Variants in SLC10A7 observed in about 807,000 individuals in gnomAD.
SLC10A7 encodes the protein solute carrier family 10 member 7, also known as sodium/bile acid cotransporter 7.
Under a neutral mutation model 43.2 loss-of-function variants are expected in SLC10A7, and 29 were observed. That is an observed-to-expected ratio of 0.67 (90% CI 0.50 to 0.92). The LOEUF is 0.92. SLC10A7 is among the 40% of genes least tolerant of loss of function. The pLI is 0.00. For missense variants in SLC10A7, 295 were observed against 403.2 expected (o/e 0.73, Z 2.30); for synonymous variants, 152 against 144.8 (o/e 1.05, Z -0.35).
chr4:146,478,335 A>G (rs1337136495), intron 4 of SLC10A7: 1 of 152,166 alleles, frequency 6.6e-6, no homozygotes, highest in African/African-American at 2.4e-5. Flanking sequence ...GTATTAGCAG[A>G]TTTCTTTTTG....
chr4:146,311,586 G>C (rs142987814), intron 6 of SLC10A7, among the ~76,000 whole-genome samples: 1 of 152,180 alleles, frequency 6.6e-6, no homozygotes, highest in Non-Finnish European at 1.5e-5. Context: ...ACCACATTCA[G>C]GGAAAAATAA....
intron 5 of SLC10A7, among the ~76,000 whole-genome samples, chr4:146,353,542 C>G (rs1344192304): frequency 6.8e-4 from 27 of 39,896 alleles, no homozygotes; most frequent in Non-Finnish European, 9.8e-4. Context: ...TTTTATGAGG[C>G]CAGCATCATT....
chr4:146,263,868 C>T (rs1164543742), intron 10 of SLC10A7, among the ~76,000 whole-genome samples: 1 of 152,220 alleles, frequency 6.6e-6, no homozygotes, highest in East Asian at 1.9e-4. Flanking sequence ...GTAATTTCCA[C>T]CAAAAGCATT....
At chr4:146,367,730 GC>G in intron 5 of SLC10A7, among the ~76,000 whole-genome samples, 1 of 152,112 alleles carries the variant, frequency 6.6e-6, no homozygotes, top group African/African-American at 2.4e-5. Context: ...AGAACTCATT[GC>G]TTTATCCAAC....
chr4:146,278,950 C>A (rs1418075940), intron 10 of SLC10A7, among the ~76,000 whole-genome samples: 1 of 152,134 alleles, frequency 6.6e-6, no homozygotes, highest in Non-Finnish European at 1.5e-5. Flanking sequence ...GTAACTGCAA[C>A]TAGACCCATA....
chr4:146,288,453 C>A (rs762622085), intron 9 of SLC10A7, among the ~76,000 whole-genome samples: 3 of 152,236 alleles, frequency 2.0e-5, no homozygotes, highest in African/African-American at 4.8e-5. Context: ...GGTTAAGCAA[C>A]TCCCCTAAAG....
chr4:146,505,450 T>A (rs1327630907), intron 3 of SLC10A7, among the ~76,000 whole-genome samples: 1 of 152,190 alleles, frequency 6.6e-6, no homozygotes, highest in Non-Finnish European at 1.5e-5. Context: ...TAATAGTAGT[T>A]AAGTTTTTGG....
chr4:146,310,023 C>T (rs1300453851), intron 6 of SLC10A7, among the ~76,000 whole-genome samples: 1 of 152,062 alleles, frequency 6.6e-6, no homozygotes, highest in Non-Finnish European at 1.5e-5. Flanking sequence ...TCTTTATGTC[C>T]CTGAGTACCC....
chr4:146,445,927 G>A (rs185738571), intron 4 of SLC10A7, among the ~76,000 whole-genome samples: 25 of 151,700 alleles, frequency 1.6e-4, no homozygotes, highest in East Asian at 7.8e-4. Flanking sequence ...ACGTGCGCAC[G>A]CGCGTGCACG....
At chr4:146,347,933 T>A (rs913632387) in intron 5 of SLC10A7, among the ~76,000 whole-genome samples, 2 of 152,056 alleles carry the variant, frequency 1.3e-5, no homozygotes, top group Non-Finnish European at 2.9e-5. Flanking sequence ...CTTCTTATAA[T>A]AAATGAAAAA....
intron 7 of SLC10A7, 107 bp downstream of exon 7, chr4:146,305,819 A>C: frequency 1.0e-6 from 1 of 967,858 alleles, no homozygotes; most frequent in South Asian, 1.7e-5. Flanking sequence ...TCATATTTTC[A>C]TTTATCTCCT....
chr4:146,308,944 C>T (rs1731772651), intron 6 of SLC10A7, among the ~76,000 whole-genome samples: 1 of 152,102 alleles, frequency 6.6e-6, no homozygotes. Flanking sequence ...TTCCTGTGAG[C>T]TAGGGGCATG....
chr4:146,388,815 T>G (rs1261094631), intron 5 of SLC10A7, among the ~76,000 whole-genome samples: 1 of 151,186 alleles, frequency 6.6e-6, no homozygotes, highest in Non-Finnish European at 1.5e-5. Context: ...AGAAAAACTC[T>G]TCTGGACATT....
intron 7 of SLC10A7, among the ~76,000 whole-genome samples, chr4:146,302,568 A>G (rs145726373): frequency 1.3e-5 from 2 of 152,212 alleles, no homozygotes; most frequent in African/African-American, 2.4e-5. Flanking sequence ...TATATCAGCT[A>G]TATGGTTCAA....
At chr4:146,416,513 T>G (rs1250043793) in intron 5 of SLC10A7, among the ~76,000 whole-genome samples, 1 of 152,176 alleles carries the variant, frequency 6.6e-6, no homozygotes, top group Non-Finnish European at 1.5e-5. Flanking sequence ...GCCTCAGCCC[T>G]TGCTCTCCAA....
intron 9 of SLC10A7, among the ~76,000 whole-genome samples, chr4:146,286,789 G>A (rs75134813): frequency 1.1e-3 from 78 of 70,178 alleles, no homozygotes; most frequent in East Asian, 5.3e-3. Flanking sequence ...GAGTGGTGAG[G>A]GCTTGTGTTT....
intron 4 of SLC10A7, among the ~76,000 whole-genome samples, chr4:146,472,522 TAAC>T (rs1393079138): frequency 6.7e-6 from 1 of 150,218 alleles, no homozygotes; most frequent in Non-Finnish European, 1.5e-5. Flanking sequence ...AAGCAGTTCC[TAAC>T]AACAGGGAAC....
At chr4:146,318,130 C>G (rs1483175844) in intron 6 of SLC10A7, among the ~76,000 whole-genome samples, 1 of 151,978 alleles carries the variant, frequency 6.6e-6, no homozygotes, top group African/African-American at 2.4e-5. Flanking sequence ...CACTAATTTT[C>G]CCAATTTAAA....
At chr4:146,464,350 A>G (rs2149945370) in intron 4 of SLC10A7, among the ~76,000 whole-genome samples, 2 of 152,330 alleles carry the variant, frequency 1.3e-5, no homozygotes, top group African/African-American at 4.8e-5. Context: ...TTGAAAAGAT[A>G]CACATAAAAA....
Sources: allele counts gnomAD v4.1 joint callset (sites outside exome capture counted in the v4.1 genomes callset), GRCh38; gene constraint gnomAD v4.1.1; transcripts MANE v1.5; gene names NCBI Gene and HGNC (gene_info 2026-07-23, HGNC 2026-07-21).